The following PRDM1 variants were observed in gnomAD, a reference collection of about 807,000 sequenced individuals.
PRDM1 encodes PR/SET domain 1, also known as PR domain zinc finger protein 1.
Under a neutral mutation model 62.8 loss-of-function variants are expected in PRDM1, and 13 were observed. The ratio of observed to expected loss-of-function variants is 0.21; its 90% confidence interval spans 0.13 to 0.33. The LOEUF (loss-of-function observed/expected upper bound fraction) is 0.33. Among genes scored for constraint, PRDM1 ranks in the 10% least tolerant of loss-of-function variants. The pLI is 1.00. For missense variants in PRDM1, 895 were observed against 1,058.8 expected, an observed-to-expected ratio of 0.85 and a Z score of 2.15; for synonymous variants, 396 against 417.6, an observed-to-expected ratio of 0.95 and a Z score of 0.63.
rs752954430 is a variant in PRDM1, at chr6:106,095,706, A to G, written c.383A>G (p.Lys128Arg). 1 of 1,614,126 alleles carries G rather than the reference A, an allele frequency of 6.2e-7. No individual in the cohort carries two copies. Among genetic ancestry groups the G allele is most frequent in the Non-Finnish European group, 8.5e-7 (1 of 1,180,004 alleles). The change falls in exon 3 of 7, where the codon AAG (lysine) becomes AGG (arginine). Residue 128 changes from lysine (K) to arginine (R), a missense_variant. By Grantham distance (26) the Lys-to-Arg change is conservative. Coordinates refer to ENST00000369096, the MANE Select transcript of PRDM1 (RefSeq NM_001198.4). ...ATCTACACCAATGACACAGTTCCTA[A>G]GAACGCCAACAGGAAATATTTTTGG... ...GEIYTNDTVP[K>R]NANRKYFWRI...
At chr6:106,009,689 A>G (rs2114549007) in intron 1 of PRDM1, among the ~76,000 whole-genome samples, 1 of 152,264 alleles carries the variant, frequency 6.6e-6, no homozygotes, top group Middle Eastern at 3.4e-3. Flanking sequence ...TTGAGCATCC[A>G]ACCTGAGTGT....
At chr6:106,047,770 G>T (rs1773105009), upstream of PRDM1, among the ~76,000 whole-genome samples, 1 of 152,182 alleles carries the variant, frequency 6.6e-6, no homozygotes, top group Non-Finnish European at 1.5e-5. Context: ...GAGAACCTTT[G>T]ATAGTTGTCA....
chr6:106,084,800 T>G (rs567564751), upstream of PRDM1, among the ~76,000 whole-genome samples: 1 of 152,300 alleles, frequency 6.6e-6, no homozygotes, highest in South Asian at 2.1e-4. Context: ...CAGATCTGCC[T>G]TCTAAAAGTC....
intron 1 of PRDM1, among the ~76,000 whole-genome samples, chr6:106,054,220 A>G (rs1773228503): frequency 6.6e-6 from 1 of 152,170 alleles, no homozygotes; most frequent in African/African-American, 2.4e-5. Flanking sequence ...ATGTATAAAG[A>G]AAACTGAAGG....
At chr6:106,101,303 T>A (rs1430446885) in intron 4 of PRDM1, among the ~76,000 whole-genome samples, 2 of 152,208 alleles carry the variant, frequency 1.3e-5, no homozygotes, top group Non-Finnish European at 2.9e-5. Flanking sequence ...AGAAACTTTT[T>A]TGCATGCTTC....
At chr6:106,090,823 G>A (rs556925655) in intron 2 of PRDM1, among the ~76,000 whole-genome samples, 30 of 151,050 alleles carry the variant, frequency 2.0e-4, no homozygotes, top group Admixed American at 9.2e-4. Context: ...GACATACCGG[G>A]GAATTTTTTT....
intron 1 of PRDM1, among the ~76,000 whole-genome samples, chr6:106,016,649 C>CTTT (rs71006665): frequency 1.5e-4 from 20 of 135,788 alleles, no homozygotes; most frequent in Admixed American, 2.3e-4. Flanking sequence ...TCTTTTCTCT[C>CTTT]TTTTTTTTTT....
At chr6:106,079,524 G>A (rs1773660284) in intron 1 of PRDM1, among the ~76,000 whole-genome samples, 1 of 152,202 alleles carries the variant, frequency 6.6e-6, no homozygotes, top group African/African-American at 2.4e-5. Context: ...ACAGCAGGGT[G>A]CAGTGGCTCA....
chr6:106,105,130 A>T lies in PRDM1; in HGVS notation c.970A>T (p.Ile324Phe). ...LAYGIERPTY[I>F]TRSPIPSSTT... Reference sequence around the variant, plus strand: ...CTACGGGATCGAGAGACCCACGTACATCACTCGCTCCCCCATTCCATCCTC... The same window carrying T: ...CTACGGGATCGAGAGACCCACGTACTTCACTCGCTCCCCCATTCCATCCTC... Residue 324 changes from isoleucine to phenylalanine, a missense_variant, in exon 5 of 7, where the codon ATC becomes TTC. Transcript: ENST00000369096. The T allele has an allele frequency of 6.2e-7, 1 of 1,613,560 alleles. No homozygotes were observed. The highest frequency in any genetic ancestry group is 1.3e-5 in the African/African-American group (1 of 74,976).
chr6:106,028,928 T>TC (rs1366921119), intron 1 of PRDM1, among the ~76,000 whole-genome samples: 1 of 148,416 alleles, frequency 6.7e-6, no homozygotes, highest in East Asian at 1.9e-4. Flanking sequence ...CTTTTTTTTT[T>TC]TTTTTTTTTT....
intron 1 of PRDM1, among the ~76,000 whole-genome samples, chr6:106,058,906 A>G (rs1390233800): frequency 6.6e-6 from 1 of 152,196 alleles, no homozygotes; most frequent in Non-Finnish European, 1.5e-5. Flanking sequence ...TCATAATGTC[A>G]GTGTCCTGTT....
At chr6:106,070,000 AT>A (rs377505467) in intron 1 of PRDM1, among the ~76,000 whole-genome samples, 2 of 151,326 alleles carry the variant, frequency 1.3e-5, no homozygotes, top group South Asian at 2.1e-4. Flanking sequence ...TTCTCCCTCA[AT>A]TTTTTTTTGG....
In PRDM1 at chr6:106,109,269, G is replaced by T; in HGVS notation, c.*1783G>T. 4.3e-6 allele frequency: 1 copy of T among 231,914 alleles called. No individual in the cohort carries two copies. Among genetic ancestry groups the T allele is most frequent in the Non-Finnish European group, 8.6e-6 (1 of 116,926 alleles). The allele number at this position is 231,914 out of a possible 1,614,324, so 14.4% of individuals were successfully genotyped here. A position where few individuals can be genotyped will look rare whatever the true frequency, so the allele number is the denominator to read the frequency against. ...GGAGGAAGAGATACATCATTTTTTAGTATTAAGGACCATCTAAGACAGCTC... is the reference window on the plus strand; with the variant it reads ...GGAGGAAGAGATACATCATTTTTTATTATTAAGGACCATCTAAGACAGCTC... On this transcript the variant is annotated 3_prime_UTR_variant, in exon 7 of 7. Transcript: ENST00000369096.
At chr6:106,092,145 A>C (rs75632634) in intron 2 of PRDM1, among the ~76,000 whole-genome samples, 3 of 147,274 alleles carry the variant, frequency 2.0e-5, no homozygotes, top group Non-Finnish European at 3.0e-5. Flanking sequence ...AAAAAAAAAA[A>C]AACAAACCTA....
rs765417713 is a variant in PRDM1 at position 106,106,902 on chromosome 6, A to T, written c.1903-9A>T. ...CCCTTCCCTGCTGTCTCTCTCCCCT[A>T]CACTGTAGGTCTGCCACAAGAGATT... On this transcript the variant is annotated splice_polypyrimidine_tract_variant and intron_variant, in intron 6 of 6. Coordinates refer to ENST00000369096, the MANE Select transcript of PRDM1 (RefSeq NM_001198.4). This position sits in a 1 kb window ranked among gnomAD's most constrained non-coding sequence, Gnocchi z 4.4. 1 of 1,608,360 alleles carries T rather than the reference A, an allele frequency of 6.2e-7. No individual in the cohort carries two copies. Among genetic ancestry groups the T allele is most frequent in the Admixed American group, 1.7e-5 (1 of 59,904 alleles).
chr6:106,081,497 G>T (rs1773692987), upstream of PRDM1, among the ~76,000 whole-genome samples: 1 of 152,182 alleles, frequency 6.6e-6, no homozygotes, highest in South Asian at 2.1e-4. Context: ...TCTGCTTCCT[G>T]ACCTCTGGTC....
At chr6:106,087,482 G>A (rs1022692008) in intron 1 of PRDM1, 22 of 232,240 alleles carry the variant, frequency 9.5e-5, no homozygotes, top group Non-Finnish European at 1.3e-4. Flanking sequence ...AGAAGACACT[G>A]CAGGCTGTTT....
intron 1 of PRDM1, among the ~76,000 whole-genome samples, chr6:105,997,151 C>T (rs528644994): frequency 6.6e-6 from 1 of 152,142 alleles, no homozygotes; most frequent in African/African-American, 2.4e-5. Context: ...GTAACTCAGC[C>T]GTCCAAATGA....
At chr6:106,064,570 C>T (rs1242272758) in intron 1 of PRDM1, among the ~76,000 whole-genome samples, 4 of 152,182 alleles carry the variant, frequency 2.6e-5, no homozygotes, top group South Asian at 2.1e-4. Context: ...TGAGGGCGTG[C>T]GGCCCAGCCT....
Sources: gnomAD v4.1 joint callset for allele counts (sites outside exome capture counted in the v4.1 genomes callset) on GRCh38, gnomAD v4.1.1 for gene constraint, Gnocchi (gnomAD v3.1) non-coding constraint, MANE v1.5 for transcripts, NCBI Gene and HGNC (gene_info 2026-07-23, HGNC 2026-07-21) for gene names.